Variants in FBLN2 observed in about 807,000 individuals in gnomAD.
FBLN2 encodes fibulin 2.
In FBLN2, 81 loss-of-function variants were observed where a neutral mutation model predicts 123.7. That is an observed-to-expected ratio of 0.65 (90% confidence interval 0.55 to 0.79). The LOEUF (loss-of-function observed/expected upper bound fraction) is 0.79, where lower values mean the gene tolerates loss of function less well. Ranked by LOEUF, FBLN2 falls within the 30% of genes least tolerant of loss-of-function variation. FBLN2 has a pLI of 0.00. For synonymous variants in FBLN2, 699 were observed against 701.4 expected (o/e 1.00, Z 0.05); for missense variants, 1,603 against 1,681.3 (o/e 0.95, Z 0.81).
chr3:13,560,892 C>A (rs1221829617), intron 1 of FBLN2, among the ~76,000 whole-genome samples: 1 of 152,064 alleles, frequency 6.6e-6, no homozygotes, highest in Admixed American at 6.5e-5. Context: ...TAGCTCAATG[C>A]AGCCTCCAAC....
Position 13,590,643 on chromosome 3 carries a change from C to T in FBLN2, c.1307-17419C>T, listed in dbSNP as rs185661430. 5.2e-3 allele frequency among the ~76,000 whole-genome samples: 785 copies of T among 151,170 alleles called. 9 individuals are homozygous for T. Among genetic ancestry groups the T allele is most frequent in the African/African-American group, 0.018 (728 of 40,526 alleles). On this transcript the variant is annotated intron_variant, in intron 2 of 17. Transcript: ENST00000404922. ...GCCCAGCCCTGTTTTGTTTTCTGTT[C>T]TTGAATTTATTTTGAATGATGGGAA...
chr3:13,620,966 G>T (rs1214791429), intron 8 of FBLN2, among the ~76,000 whole-genome samples: 1 of 152,244 alleles, frequency 6.6e-6, no homozygotes, highest in African/African-American at 2.4e-5. Flanking sequence ...TCCAGGTGGT[G>T]CTGGGTTCTC....
In FBLN2 at chr3:13,568,559, C is replaced by T. The variant is rs537087852; in HGVS notation, c.-41-1756C>T. 1.2e-4 allele frequency among the ~76,000 whole-genome samples: 19 copies of T among 152,340 alleles called. No homozygotes were observed. In the East Asian group the frequency reaches 1.5e-3, roughly 12 times the overall value. The stretch of plus-strand genomic sequence containing the variant: ...AGCCCGTTGCTCTGCAGTTACCACC[C>T]GTGTGCTGATGTGGCTCAGCCCTGG... On this transcript the variant is annotated intron_variant, in intron 1 of 17. Coordinates refer to ENST00000404922, the MANE Select transcript of FBLN2 (RefSeq NM_001004019.2).
At chr3:13,580,569 C>T (rs77311360) in intron 2 of FBLN2, among the ~76,000 whole-genome samples, 204 of 152,268 alleles carry the variant, frequency 1.3e-3, no homozygotes, top group African/African-American at 4.8e-3. Context: ...CTGGACTTTG[C>T]CAGTCTGAGA....
At chr3:13,573,995 A>G (rs1432621577) in intron 2 of FBLN2, among the ~76,000 whole-genome samples, 1 of 151,328 alleles carries the variant, frequency 6.6e-6, no homozygotes, top group Non-Finnish European at 1.5e-5. Flanking sequence ...CCCTGTGTCC[A>G]CAGGCGGTGG....
In FBLN2 at chr3:13,638,108, C is replaced by A; in HGVS notation, c.*189C>A. The A allele has an allele frequency of 1.5e-6, 1 of 673,522 alleles. No homozygotes were observed. The highest frequency in any genetic ancestry group is 1.7e-5 in the South Asian group (1 of 60,380). The allele number at this position is 673,522 out of a possible 1,614,324, so 41.7% of individuals were successfully genotyped here. Reference sequence around the variant, plus strand: ...AAGTTCCACGGCAGGTGGTGCGTTCCCACGCAGGCACCAAGTGGAAGCTTG... The same window carrying A: ...AAGTTCCACGGCAGGTGGTGCGTTCACACGCAGGCACCAAGTGGAAGCTTG... On this transcript the variant is annotated 3_prime_UTR_variant, in exon 18 of 18. Transcript: ENST00000404922.
Position 13,638,225 on chromosome 3 carries a change from G to T in FBLN2, c.*306G>T, listed in dbSNP as rs775105350. The T allele has an allele frequency of 3.4e-6, 2 of 592,082 alleles. No individual in the cohort carries two copies. The highest frequency in any genetic ancestry group is 6.2e-6 in the Non-Finnish European group (2 of 324,240). 36.7% of individuals were successfully genotyped at this position (592,082 alleles called of 1,614,324 possible). A position where few individuals can be genotyped will look rare whatever the true frequency, so the allele number is the denominator to read the frequency against. ...ACACGCGACCATGTTGGGGCTCTTG[G>T]ACTCCTCTGGATGACCCGTCCCCAA... On this transcript the variant is annotated 3_prime_UTR_variant, in exon 18 of 18. Transcript: ENST00000404922.
chr3:13,590,352 G>C (rs1415493151), intron 2 of FBLN2, among the ~76,000 whole-genome samples: 1 of 151,496 alleles, frequency 6.6e-6, no homozygotes, highest in Admixed American at 6.6e-5. Flanking sequence ...TCGAGACAGA[G>C]TCTCACTCTG....
At chr3:13,576,448 T>C (rs570220678) in intron 2 of FBLN2, among the ~76,000 whole-genome samples, 5 of 152,168 alleles carry the variant, frequency 3.3e-5, no homozygotes, top group East Asian at 1.9e-4. Flanking sequence ...GTAAATGATA[T>C]GGGATTGAAC....
At position 13,619,761 on chromosome 3, in the gene FBLN2, T is replaced by G. The variant is rs367967611; in HGVS notation, c.2085T>G (p.Thr695=). Residue 695 remains threonine, a synonymous_variant, in exon 8 of 18, where the codon ACT becomes ACG. Transcript: ENST00000404922. ...DNGPCKQVCS[T]VGGSAICSCF... ...GACCCTGCAAGCAGGTGTGCAGCAC[T>G]GTTGGGGGCTCAGCCATATGCTCCT... 1.2e-6 allele frequency: 2 copies of G among 1,613,312 alleles called. No individual in the cohort carries two copies. The highest frequency in any genetic ancestry group is 1.7e-6 in the Non-Finnish European group (2 of 1,179,524).
chr3:13,554,947 C>CT (rs199976666), intron 1 of FBLN2, among the ~76,000 whole-genome samples: 66 of 141,654 alleles, frequency 4.7e-4, no homozygotes, highest in Middle Eastern at 3.7e-3. Flanking sequence ...CTTATATTTA[C>CT]TTTTTTTTTT....
intron 14 of FBLN2, among the ~76,000 whole-genome samples, chr3:13,630,381 T>G (rs1706215327): frequency 6.6e-6 from 1 of 152,218 alleles, no homozygotes; most frequent in South Asian, 2.1e-4. Flanking sequence ...GCCACCAGGC[T>G]GCTCAGTGAG....
Position 13,618,270 on chromosome 3 carries a change from C to T in FBLN2, c.1924C>T (p.Arg642Cys), listed in dbSNP as rs200898109. 48 of 1,613,716 alleles carry T rather than the reference C, an allele frequency of 3.0e-5. No homozygotes were observed. The highest frequency in any genetic ancestry group is 4.0e-5 in the African/African-American group (3 of 74,958). The change falls in exon 6 of 18, where the codon CGC becomes TGC. Residue 642 changes from arginine (R) to cysteine (C), a missense_variant. Physicochemically the swap from Arg to Cys is radical, Grantham distance 180. Coordinates refer to ENST00000404922, the MANE Select transcript of FBLN2 (RefSeq NM_001004019.2). The stretch of plus-strand genomic sequence containing the variant: ...TGGCTTCTCACTGCAGGACGATGGC[C>T]GCACTTGCCGCCCAGGTAAGGGCCC... ...FPGFSLQDDG[R>C]TCRPEGHPPQ...
At chr3:13,564,075 G>A (rs1334202840) in intron 1 of FBLN2, among the ~76,000 whole-genome samples, 2 of 152,202 alleles carry the variant, frequency 1.3e-5, no homozygotes, top group Non-Finnish European at 1.5e-5. Context: ...GACATTAAAT[G>A]TTATCATTTT....
intron 16 of FBLN2, among the ~76,000 whole-genome samples, chr3:13,635,400 C>CACACA (rs1559430317): frequency 6.9e-6 from 1 of 145,082 alleles, no homozygotes; most frequent in Non-Finnish European, 1.5e-5. Flanking sequence ...ACACACACAC[C>CACACA]CACACACACC....
Position 13,629,034 on chromosome 3 carries a change from G to A in FBLN2, c.2699G>A (p.Gly900Glu), listed in dbSNP as rs1368537243. Residue 900 changes from glycine (G) to glutamate (E), a missense_variant, in exon 12 of 18, where the codon GGG becomes GAG. Physicochemically the swap from Gly to Glu is moderately conservative, Grantham distance 98 (BLOSUM62 -2). Transcript: ENST00000404922. ...CGCGGCTACCACGCCAGCGATGATG[G>A]GACCAAGTGTGTGGGTAAGGCCAGC... ...CARGYHASDD[G>E]TKCVDVNECE... 6.2e-7 allele frequency: 1 copy of A among 1,613,346 alleles called. No individual in the cohort carries two copies. Among genetic ancestry groups the A allele is most frequent in the Non-Finnish European group, 8.5e-7 (1 of 1,179,758 alleles).
chr3:13,626,889 C>T (rs1157057956), intron 10 of FBLN2, among the ~76,000 whole-genome samples: 1 of 152,146 alleles, frequency 6.6e-6, no homozygotes, highest in Non-Finnish European at 1.5e-5. Context: ...CTGGTTTGTA[C>T]ATTGAGGTGG....
Position 13,638,197 on chromosome 3 carries a change from G to A in FBLN2, c.*278G>A, listed in dbSNP as rs1187393100. On this transcript the variant is annotated 3_prime_UTR_variant, in exon 18 of 18. Coordinates refer to ENST00000404922, the MANE Select transcript of FBLN2 (RefSeq NM_001004019.2). ...AGGCTGGGTGATGACCTGAGGACCA[G>A]AGACACGCGACCATGTTGGGGCTCT... 4.8e-6 allele frequency: 3 copies of A among 621,922 alleles called. No individual in the cohort carries two copies. Among genetic ancestry groups the A allele is most frequent in the Non-Finnish European group, 8.7e-6 (3 of 344,668 alleles). 38.5% of individuals were successfully genotyped at this position (621,922 alleles called of 1,614,324 possible).
intron 1 of FBLN2, among the ~76,000 whole-genome samples, chr3:13,558,035 C>T (rs1008585281): frequency 1.2e-4 from 18 of 152,162 alleles, no homozygotes; most frequent in Admixed American, 6.5e-5. Flanking sequence ...GTACACTGGC[C>T]GCCTCACTGG....
Sources: allele counts gnomAD v4.1 joint callset (sites outside exome capture counted in the v4.1 genomes callset), GRCh38; gene constraint gnomAD v4.1.1; transcripts MANE v1.5; gene names NCBI Gene and HGNC (gene_info 2026-07-23, HGNC 2026-07-21).